Variants in STPG2 observed in about 807,000 individuals in gnomAD.
STPG2 encodes sperm tail PG-rich repeat containing 2, also known as sperm-tail PG-rich repeat-containing protein 2.
In STPG2, 56 loss-of-function variants were observed where a neutral mutation model predicts 54.2. The observed-to-expected ratio is 1.03, with a 90% CI of 0.83 to 1.29. STPG2 has a LOEUF of 1.29. STPG2 is among the 50% of genes most tolerant of loss of function. The probability of loss-of-function intolerance (pLI) is 0.00; values close to 1 mark genes in which losing one functional copy is unlikely to be tolerated. For synonymous variants in STPG2, 200 were observed against 181.8 expected, an observed-to-expected ratio of 1.10 and a Z score of -0.81; for missense variants, 596 against 544.9, an observed-to-expected ratio of 1.09 and a Z score of -0.93.
intron 7 of STPG2, among the ~76,000 whole-genome samples, chr4:97,955,420 T>G (rs1733639646): frequency 6.6e-6 from 1 of 152,006 alleles, no homozygotes; most frequent in Non-Finnish European, 1.5e-5. Context: ...TTTCACTGTG[T>G]TAGCCAAAAT....
chr4:97,522,121 C>T (rs1360694323), intron 4 of STPG2, among the ~76,000 whole-genome samples: 10 of 151,638 alleles, frequency 6.6e-5, no homozygotes, highest in Admixed American at 2.6e-4. Flanking sequence ...CGTGGGAGTG[C>T]GGAAAAGATA....
At chr4:97,904,605 G>A (rs1337803491) in intron 8 of STPG2, among the ~76,000 whole-genome samples, 1 of 152,244 alleles carries the variant, frequency 6.6e-6, no homozygotes, top group Non-Finnish European at 1.5e-5. Flanking sequence ...AAGCTGGACA[G>A]AGAATGACTT....
intron 5 of STPG2, among the ~76,000 whole-genome samples, chr4:98,022,279 C>T (rs1736238209): frequency 1.3e-5 from 2 of 151,184 alleles, no homozygotes; most frequent in South Asian, 4.2e-4. Flanking sequence ...ACTTATGAAG[C>T]TTAGTTTGGC....
intron 8 of STPG2, among the ~76,000 whole-genome samples, chr4:97,860,368 A>G (rs1223825491): frequency 6.6e-6 from 1 of 151,978 alleles, no homozygotes; most frequent in Non-Finnish European, 1.5e-5. Flanking sequence ...AGCATGGAAT[A>G]TGTTTCCTTT....
chr4:97,649,113 A>G (rs1490049563), intron 10 of STPG2, among the ~76,000 whole-genome samples: 1 of 152,156 alleles, frequency 6.6e-6, no homozygotes, highest in Non-Finnish European at 1.5e-5. Context: ...AGCAGGAAAA[A>G]CATGCTTTCT....
intron 10 of STPG2, among the ~76,000 whole-genome samples, chr4:97,623,413 A>AGAAAATT (rs1734062028): frequency 6.6e-6 from 1 of 151,982 alleles, no homozygotes; most frequent in Non-Finnish European, 1.5e-5. Flanking sequence ...ATAAATTTAC[A>AGAAAATT]ACAGAAAAAA....
chr4:97,762,368 A>G (rs544916835), intron 9 of STPG2, among the ~76,000 whole-genome samples: 2 of 152,208 alleles, frequency 1.3e-5, no homozygotes, highest in Non-Finnish European at 2.9e-5. Context: ...TTACGGGAAC[A>G]TTAGACTCAG....
intron 6 of STPG2, among the ~76,000 whole-genome samples, chr4:97,976,082 TTCTC>T (rs546780745): frequency 5.8e-4 from 89 of 152,168 alleles, no homozygotes; most frequent in Non-Finnish European, 1.2e-3. Context: ...CATATAAGAT[TTCTC>T]TCTAACTGTA....
chr4:97,620,550 G>A (rs934184399), intron 10 of STPG2, among the ~76,000 whole-genome samples: 1 of 151,996 alleles, frequency 6.6e-6, no homozygotes, highest in Non-Finnish European at 1.5e-5. Context: ...GAGAAAGAAG[G>A]GCAACACATA....
chr4:97,562,094 G>C (rs1732267609), intron 10 of STPG2, among the ~76,000 whole-genome samples: 2 of 152,106 alleles, frequency 1.3e-5, no homozygotes, highest in African/African-American at 4.8e-5. Flanking sequence ...TCTTCCATTT[G>C]TTTGTATCCT....
At chr4:98,091,496 C>T (rs1738682932) in intron 5 of STPG2, among the ~76,000 whole-genome samples, 2 of 152,018 alleles carry the variant, frequency 1.3e-5, no homozygotes. Flanking sequence ...ACTTTAGAAT[C>T]CTTTCTTGAT....
chr4:97,767,942 C>G (rs927384119), intron 9 of STPG2, among the ~76,000 whole-genome samples: 11 of 152,038 alleles, frequency 7.2e-5, no homozygotes, highest in African/African-American at 2.4e-4. Flanking sequence ...CCAAGGCGGG[C>G]AGATCACCAG....
At chr4:97,511,018 A>G (rs1391846915) in intron 4 of STPG2, among the ~76,000 whole-genome samples, 1 of 152,144 alleles carries the variant, frequency 6.6e-6, no homozygotes, top group East Asian at 1.9e-4. Flanking sequence ...AAAATATTCA[A>G]TTAATCCAAA....
chr4:98,025,735 G>A, intron 5 of STPG2: 2 of 1,540,788 alleles, frequency 1.3e-6, no homozygotes, highest in South Asian at 1.1e-5. Context: ...GCATGGACAA[G>A]ATCTATGAAG....
In STPG2 at chr4:97,559,027, T is replaced by C; in HGVS notation, c.*31A>G. 4 of 1,527,358 alleles carry C rather than the reference T, an allele frequency of 2.6e-6. No individual in the cohort carries two copies. Among genetic ancestry groups the C allele is most frequent in the Non-Finnish European group, 1.8e-6 (2 of 1,117,310 alleles). 94.6% of individuals were successfully genotyped at this position (1,527,358 alleles called of 1,614,324 possible). On this transcript the variant is annotated 3_prime_UTR_variant, in exon 11 of 11. Transcript: ENST00000295268. ...AAGAAATAAACTGACTTCCATGAAG[T>C]TGTTTTTTAAGTTTTTGCCATAAAT... is the stretch of plus-strand genomic sequence containing the variant.
At chr4:98,062,342 T>TTC (rs1737686520) in intron 5 of STPG2, among the ~76,000 whole-genome samples, 1 of 151,998 alleles carries the variant, frequency 6.6e-6, no homozygotes, top group Admixed American at 6.6e-5. Flanking sequence ...AAGACAACTA[T>TTC]TGGGTACTGG....
intron 5 of STPG2, among the ~76,000 whole-genome samples, chr4:97,995,115 C>A (rs1735159613): frequency 1.3e-5 from 2 of 151,338 alleles, no homozygotes; most frequent in Admixed American, 1.3e-4. Flanking sequence ...TCACCCTACT[C>A]CCCCATGCTG....
chr4:97,999,462 G>T (rs188819195), intron 5 of STPG2, among the ~76,000 whole-genome samples: 298 of 152,240 alleles, frequency 2.0e-3, no homozygotes, highest in African/African-American at 7.1e-3. Context: ...CAGCAGTTTG[G>T]GAGGCCGAGG....
chr4:97,543,852 C>T lies in STPG2; in HGVS notation c.462+168847G>A, dbSNP rs557303561. Among the ~76,000 whole-genome samples, 3 of 152,130 alleles carry T rather than the reference C, an allele frequency of 2.0e-5. No homozygotes were observed. The South Asian group carries it at 6.2e-4, about 32-fold the overall frequency. On this transcript the variant is annotated intron_variant, in intron 4 of 4. Transcript: ENST00000522676. ...AGAATCACCTGGGGAACTTATTAAA[C>T]TCATAGATGGTTAGCTTCAGTAGAT...
Sources: allele counts gnomAD v4.1 joint callset (sites outside exome capture counted in the v4.1 genomes callset), GRCh38; gene constraint gnomAD v4.1.1; transcripts MANE v1.5; gene names NCBI Gene and HGNC (gene_info 2026-07-23, HGNC 2026-07-21).